Variants in SLC24A2 observed in about 807,000 individuals in gnomAD.
SLC24A2 encodes the protein solute carrier family 24 member 2, also known as sodium/potassium/calcium exchanger 2.
SLC24A2 carries 36 observed loss-of-function variants against 62.0 expected under a neutral mutation model. The ratio of observed to expected loss-of-function variants is 0.58; its 90% CI spans 0.44 to 0.77. SLC24A2 has a LOEUF of 0.77. Among genes scored for constraint, SLC24A2 ranks in the 30% least tolerant of loss-of-function variants. SLC24A2 has a pLI of 0.00. For missense variants in SLC24A2, 846 were observed against 817.9 expected (o/e 1.03, Z -0.42); for synonymous variants, 358 against 294.0 (o/e 1.22, Z -2.23).
intron 8 of SLC24A2, among the ~76,000 whole-genome samples, chr9:19,542,287 G>C (rs1359354374): frequency 6.6e-6 from 1 of 152,188 alleles, no homozygotes; most frequent in East Asian, 1.9e-4. Context: ...TTTGCACATT[G>C]ATATTGTATC....
intron 2 of SLC24A2, among the ~76,000 whole-genome samples, chr9:19,630,814 A>G (rs1247495976): frequency 6.6e-6 from 1 of 152,226 alleles, no homozygotes; most frequent in East Asian, 1.9e-4. Context: ...AAAGGGCACA[A>G]ATATCAAGCA....
Position 19,518,705 on chromosome 9 carries a change from C to G in SLC24A2, c.1736+2189G>C, listed in dbSNP as rs114901800. Among the ~76,000 whole-genome samples the G allele has an allele frequency of 8.5e-4, 129 of 152,242 alleles. 1 individual carries two copies. Among genetic ancestry groups the G allele is most frequent in the African/African-American group, 2.8e-3 (117 of 41,540 alleles). ...AAAGTGCTGGGATTACAGGTGTGAG[C>G]CACTGCGCCCTGGAGCCTTATTTTT... On this transcript the variant is annotated intron_variant, in intron 10 of 10. Coordinates refer to ENST00000341998, the MANE Select transcript of SLC24A2 (RefSeq NM_020344.4).
chr9:19,912,993 A>G, the SLC24A2 span, among the ~76,000 whole-genome samples: 4 of 152,132 alleles, frequency 2.6e-5, no homozygotes, highest in African/African-American at 9.7e-5. Context: ...CTCCTTCTTC[A>G]AAGCCTATGA....
chr9:20,051,657 C>CTTTTTTTTTTTTTTTTTTTTTTTTT, the SLC24A2 span, among the ~76,000 whole-genome samples: 10 of 73,512 alleles, frequency 1.4e-4, no homozygotes, highest in Admixed American at 8.0e-4. Context: ...TTTTCTTTCT[C>CTTTTTTTTTTTTTTTTTTTTTTTTT]TTTTTTTTTT....
chr9:20,158,906 T>A, the SLC24A2 span, among the ~76,000 whole-genome samples: 1 of 151,702 alleles, frequency 6.6e-6, no homozygotes, highest in East Asian at 1.9e-4. Context: ...ATTAGAAATA[T>A]TCTGATCAAG....
chr9:19,998,371 T>G, the SLC24A2 span, among the ~76,000 whole-genome samples: 2 of 152,200 alleles, frequency 1.3e-5, no homozygotes, highest in Non-Finnish European at 2.9e-5. Context: ...TCCTGAAGCC[T>G]GTCAATGATT....
At chr9:19,971,147 G>C in the SLC24A2 span, among the ~76,000 whole-genome samples, 1 of 152,276 alleles carries the variant, frequency 6.6e-6, no homozygotes, top group Non-Finnish European at 1.5e-5. Context: ...TGCTCGCACA[G>C]AGTAGAGCAA....
chr9:20,003,357 T>G, the SLC24A2 span, among the ~76,000 whole-genome samples: 1 of 152,216 alleles, frequency 6.6e-6, no homozygotes, highest in African/African-American at 2.4e-5. Flanking sequence ...GTGAGCATGC[T>G]ATTGTCAGAG....
chr9:19,802,336 C>T, the SLC24A2 span, among the ~76,000 whole-genome samples: 1 of 152,156 alleles, frequency 6.6e-6, no homozygotes, highest in South Asian at 2.1e-4. Context: ...TTCATAGCTA[C>T]TGTGTTGTAA....
At chr9:20,184,950 G>A in the SLC24A2 span, among the ~76,000 whole-genome samples, 464 of 152,160 alleles carry the variant, frequency 3.0e-3, 2 homozygotes, top group Non-Finnish European at 5.2e-3. Context: ...GCAACAACAT[G>A]GATATATCTG....
chr9:19,616,731 A>C (rs986173561), intron 4 of SLC24A2, among the ~76,000 whole-genome samples: 1 of 152,216 alleles, frequency 6.6e-6, no homozygotes, highest in African/African-American at 2.4e-5. Flanking sequence ...ATCCTGGCAG[A>C]AACAGGCAAT....
At chr9:19,987,279 G>T in the SLC24A2 span, among the ~76,000 whole-genome samples, 1 of 152,024 alleles carries the variant, frequency 6.6e-6, no homozygotes, top group African/African-American at 2.4e-5. Context: ...GAATATAATG[G>T]GAGAGAAGAG....
the SLC24A2 span, among the ~76,000 whole-genome samples, chr9:20,096,508 T>G: frequency 6.6e-6 from 1 of 152,150 alleles, no homozygotes. Flanking sequence ...TACTAATCTT[T>G]CTATATTTTA....
At chr9:19,522,296 C>T (rs2132641010) in intron 9 of SLC24A2, among the ~76,000 whole-genome samples, 1 of 152,270 alleles carries the variant, frequency 6.6e-6, no homozygotes, top group African/African-American at 2.4e-5. Context: ...CTGTGCCTGG[C>T]CTCTTGGGAC....
the SLC24A2 span, among the ~76,000 whole-genome samples, chr9:20,009,933 T>C: frequency 6.6e-6 from 1 of 152,104 alleles, no homozygotes; most frequent in Admixed American, 6.5e-5. Flanking sequence ...CCCAGAGACC[T>C]CACTCAACCT....
chr9:19,770,729 A>G (rs1263695864), intron 2 of SLC24A2, among the ~76,000 whole-genome samples: 1 of 152,224 alleles, frequency 6.6e-6, no homozygotes, highest in Non-Finnish European at 1.5e-5. Flanking sequence ...AGAAACTAAA[A>G]CTTAACATTG....
At chr9:20,154,340 G>A in the SLC24A2 span, among the ~76,000 whole-genome samples, 1 of 151,782 alleles carries the variant, frequency 6.6e-6, no homozygotes, top group Non-Finnish European at 1.5e-5. Flanking sequence ...TGTTTAGACA[G>A]AGAACTCTTC....
chr9:19,804,566 A>G, the SLC24A2 span, among the ~76,000 whole-genome samples: 25 of 152,078 alleles, frequency 1.6e-4, no homozygotes, highest in African/African-American at 5.8e-4. Flanking sequence ...AGGATTTCCT[A>G]TGTTCAAGAT....
chr9:19,849,723 G>A, the SLC24A2 span, among the ~76,000 whole-genome samples: 2 of 152,084 alleles, frequency 1.3e-5, no homozygotes, highest in African/African-American at 2.4e-5. Flanking sequence ...CCAACTAAAC[G>A]TCTCTGTCCT....
Sources: gnomAD v4.1 joint callset for allele counts (sites outside exome capture counted in the v4.1 genomes callset) on GRCh38, gnomAD v4.1.1 for gene constraint, MANE v1.5 for transcripts, NCBI Gene and HGNC (gene_info 2026-07-23, HGNC 2026-07-21) for gene names.